The following ZNF469 variants were observed in gnomAD, a reference collection of about 807,000 sequenced individuals.
ZNF469 encodes the protein zinc finger protein 469.
In ZNF469, 1 loss-of-function variant was observed where a neutral mutation model predicts 1.0. The ratio of observed to expected loss-of-function variants is 1.00; its 90% CI spans 0.35 to 4.73. The LOEUF (loss-of-function observed/expected upper bound fraction) is 4.73. Ranked by LOEUF, ZNF469 falls within the 30% of genes most tolerant of loss-of-function variation. The pLI, the probability that ZNF469 is intolerant of heterozygous loss-of-function variation, is 0.16. For missense variants in ZNF469, 6,100 were observed against 5,356.3 expected, an observed-to-expected ratio of 1.14 and a Z score of -4.33; for synonymous variants, 2,703 against 2,363.4, an observed-to-expected ratio of 1.14 and a Z score of -4.17.
chr16:88,299,795 G>A, the ZNF469 span, among the ~76,000 whole-genome samples: 1 of 152,218 alleles, frequency 6.6e-6, no homozygotes, highest in Non-Finnish European at 1.5e-5. Context: ...GGGGACTCAG[G>A]CCCAGGAGTT....
the ZNF469 span, among the ~76,000 whole-genome samples, chr16:88,244,839 GTT>G: frequency 2.0e-5 from 3 of 147,766 alleles, no homozygotes; most frequent in East Asian, 5.9e-4. Flanking sequence ...GGCTCAGAAA[GTT>G]TATGATTTAG....
At chr16:88,289,981 C>G in the ZNF469 span, among the ~76,000 whole-genome samples, 1 of 152,172 alleles carries the variant, frequency 6.6e-6, no homozygotes, top group Non-Finnish European at 1.5e-5. Flanking sequence ...TGTGTCAGAG[C>G]ACACAGGAGA....
chr16:88,201,071 A>G, the ZNF469 span, among the ~76,000 whole-genome samples: 1 of 152,096 alleles, frequency 6.6e-6, no homozygotes, highest in Non-Finnish European at 1.5e-5. This position sits in a 1 kb window ranked among gnomAD's most constrained non-coding sequence, Gnocchi z 5.0. Context: ...TGCCCCGGGG[A>G]TCCTCACCCC....
the ZNF469 span, among the ~76,000 whole-genome samples, chr16:88,160,170 G>A: frequency 6.6e-6 from 1 of 152,202 alleles, no homozygotes; most frequent in Non-Finnish European, 1.5e-5. Context: ...CTGTGATTGC[G>A]ACAAGGAAGG....
At chr16:88,285,319 C>A in the ZNF469 span, among the ~76,000 whole-genome samples, 1 of 152,276 alleles carries the variant, frequency 6.6e-6, no homozygotes, top group African/African-American at 2.4e-5. Context: ...GAGTTCTGAG[C>A]AGGGCCCACT....
At chr16:88,266,191 G>T in the ZNF469 span, among the ~76,000 whole-genome samples, 7 of 152,256 alleles carry the variant, frequency 4.6e-5, no homozygotes, top group Non-Finnish European at 8.8e-5. Flanking sequence ...AGGGCAGGGG[G>T]CCCAGCCCTC....
chr16:88,297,755 G>A, the ZNF469 span, among the ~76,000 whole-genome samples: 2 of 152,202 alleles, frequency 1.3e-5, no homozygotes, highest in Non-Finnish European at 2.9e-5. Context: ...CACCCAGGTG[G>A]TCCAGGATCA....
rs748259983 is a variant in ZNF469, at chr16:88,437,595, C to G, written c.10125C>G (p.Pro3375=). The change falls in exon 3 of 3, where the codon CCC becomes CCG. Residue 3375 remains proline, a synonymous_variant. Coordinates refer to ENST00000565624, the MANE Select transcript of ZNF469 (RefSeq NM_001367624.2). The part of the protein sequence containing the change: ...YLCPRCPRVY[P]EHGELLAHLG... ...GCCCCCGGTGCCCCCGGGTCTACCCCGAGCACGGGGAGCTGCTGGCACACC... is the reference window on the plus strand; with the variant it reads ...GCCCCCGGTGCCCCCGGGTCTACCCGGAGCACGGGGAGCTGCTGGCACACC... The G allele has an allele frequency of 5.2e-6, 8 of 1,538,062 alleles. No homozygotes were observed. The South Asian group carries it at 7.2e-5, about 14-fold the overall frequency.
At chr16:88,198,096 A>G in the ZNF469 span, among the ~76,000 whole-genome samples, 2 of 152,236 alleles carry the variant, frequency 1.3e-5, no homozygotes, top group South Asian at 2.1e-4. Context: ...TGCTCATTCA[A>G]AAACTGTCTC....
the ZNF469 span, among the ~76,000 whole-genome samples, chr16:88,371,948 CCA>C: frequency 7.9e-6 from 1 of 127,136 alleles, no homozygotes; most frequent in African/African-American, 3.0e-5. Context: ...ACCATCATCA[CCA>C]TCACCACCAT....
the ZNF469 span, chr16:88,235,025 G>A: frequency 7.2e-5 from 11 of 152,298 alleles, no homozygotes; most frequent in African/African-American, 2.7e-4. Flanking sequence ...ACTTGGGAAG[G>A]AGAGGGATGC....
At chr16:88,411,588 G>A (rs893006941) in intron 1 of ZNF469, among the ~76,000 whole-genome samples, 13 of 152,156 alleles carry the variant, frequency 8.5e-5, no homozygotes, top group African/African-American at 3.1e-4. Context: ...TGTTTGGAAG[G>A]ACCCCTTGGC....
At chr16:88,291,101 G>C in the ZNF469 span, among the ~76,000 whole-genome samples, 1 of 152,158 alleles carries the variant, frequency 6.6e-6, no homozygotes, top group African/African-American at 2.4e-5. Flanking sequence ...GACACACCTG[G>C]AGCCAAGCAG....
the ZNF469 span, among the ~76,000 whole-genome samples, chr16:88,213,986 G>A: frequency 6.6e-6 from 1 of 152,282 alleles, no homozygotes; most frequent in African/African-American, 2.4e-5. Flanking sequence ...GAATTTGTGT[G>A]ATTTTGTTCT....
the ZNF469 span, among the ~76,000 whole-genome samples, chr16:88,172,047 C>T: frequency 1.3e-5 from 2 of 152,192 alleles, no homozygotes; most frequent in East Asian, 3.9e-4. Flanking sequence ...ATGGAGGTGC[C>T]AGCTCACTGT....
At chr16:88,234,480 G>A in the ZNF469 span, among the ~76,000 whole-genome samples, 1 of 152,194 alleles carries the variant, frequency 6.6e-6, no homozygotes, top group Non-Finnish European at 1.5e-5. Flanking sequence ...AGCCGGAGCT[G>A]GGCTAAGCCA....
chr16:88,402,029 T>C (rs1904894965), intron 1 of ZNF469, among the ~76,000 whole-genome samples: 1 of 147,580 alleles, frequency 6.8e-6, no homozygotes, highest in Non-Finnish European at 1.5e-5. Context: ...TGTGGGTGGA[T>C]GGGTAGATGG....
At position 88,399,271 on chromosome 16, in the gene ZNF469, A is replaced by G. The variant is rs992176614; in HGVS notation, c.-192+16017A>G. Among the ~76,000 whole-genome samples, 84 of 152,226 alleles carry G rather than the reference A, an allele frequency of 5.5e-4. 5 individuals carry two copies. Among genetic ancestry groups the G allele is most frequent in the Non-Finnish European group, 2.9e-5 (2 of 68,022 alleles). ...GTGATGGCGAAGTCTCCAGACTCAT[A>G]TGACATCTGCCGCATCCCAATGATC... is the stretch of plus-strand genomic sequence containing the variant. On this transcript the variant is annotated intron_variant, in intron 1 of 2. Coordinates refer to ENST00000565624, the MANE Select transcript of ZNF469 (RefSeq NM_001367624.2).
chr16:88,258,211 G>T, the ZNF469 span, among the ~76,000 whole-genome samples: 1 of 151,236 alleles, frequency 6.6e-6, no homozygotes, highest in East Asian at 1.9e-4. Context: ...ACAGAGAAAG[G>T]GTGTGTGTGT....
Sources: allele counts gnomAD v4.1 joint callset (sites outside exome capture counted in the v4.1 genomes callset), GRCh38; gene constraint gnomAD v4.1.1; non-coding constraint Gnocchi (gnomAD v3.1); transcripts MANE v1.5; gene names NCBI Gene and HGNC (gene_info 2026-07-23, HGNC 2026-07-21).